The following WASF3 variants were observed in gnomAD, a reference collection of about 807,000 sequenced individuals.
WASF3 encodes the protein actin-binding protein WASF3.
A neutral mutation model predicts 46.6 loss-of-function variants in WASF3; 11 were observed. That is an observed-to-expected ratio of 0.24 (90% confidence interval 0.15 to 0.39). WASF3 has a LOEUF of 0.39. WASF3 is among the 10% of genes least tolerant of loss of function. The probability of loss-of-function intolerance (pLI) is 1.00; values close to 1 mark genes in which losing one functional copy is unlikely to be tolerated. For missense variants in WASF3, 576 were observed against 669.8 expected (o/e 0.86, Z 1.55); for synonymous variants, 242 against 259.7 (o/e 0.93, Z 0.65).
intron 1 of WASF3, among the ~76,000 whole-genome samples, chr13:26,596,224 T>C (rs1277598789): frequency 6.6e-6 from 1 of 152,020 alleles, no homozygotes; most frequent in Non-Finnish European, 1.5e-5. Flanking sequence ...TGCATTCTTC[T>C]AATGCCTAAT....
At chr13:26,595,253 A>G (rs893725317) in intron 1 of WASF3, among the ~76,000 whole-genome samples, 2 of 152,226 alleles carry the variant, frequency 1.3e-5, no homozygotes, top group Non-Finnish European at 2.9e-5. Flanking sequence ...AGTCTGAAGA[A>G]CTTCAGCATC....
chr13:26,647,640 A>G (rs1344433249), intron 3 of WASF3, among the ~76,000 whole-genome samples: 1 of 152,014 alleles, frequency 6.6e-6, no homozygotes, highest in African/African-American at 2.4e-5. Flanking sequence ...AATACCTCAT[A>G]TGTATGGTTT....
At chr13:26,556,189 A>T (rs1879092849), upstream of WASF3, among the ~76,000 whole-genome samples, 2 of 152,230 alleles carry the variant, frequency 1.3e-5, no homozygotes, top group African/African-American at 4.8e-5. Flanking sequence ...CAGTGAGTGC[A>T]AACTAAGTGT....
At chr13:26,644,008 C>A (rs1882077240) in intron 3 of WASF3, among the ~76,000 whole-genome samples, 1 of 152,128 alleles carries the variant, frequency 6.6e-6, no homozygotes, top group African/African-American at 2.4e-5. Flanking sequence ...AGGAGATTAC[C>A]CTGGTTTATC....
At chr13:26,544,846 T>C in the WASF3 span, among the ~76,000 whole-genome samples, 117,112 of 152,250 alleles carry the variant, frequency 0.77, 45,124 homozygotes, top group East Asian at 0.9. Flanking sequence ...CTGTGGACAT[T>C]CCAGAAAGCT....
chr13:26,620,304 AG>A (rs1471488876), intron 2 of WASF3, among the ~76,000 whole-genome samples: 4 of 152,318 alleles, frequency 2.6e-5, no homozygotes, highest in African/African-American at 9.6e-5. Context: ...AAACAGATGT[AG>A]GTTCAAATAT....
At position 26,557,755 on chromosome 13, in the gene WASF3, C is replaced by G. The variant is rs1206635184; in HGVS notation, c.-173C>G. The G allele has an allele frequency of 8.5e-6, 2 of 235,580 alleles. No individual in the cohort carries two copies. The highest frequency in any genetic ancestry group is 8.9e-5 in the East Asian group (1 of 11,264). The allele number at this position is 235,580 out of a possible 1,614,324, so 14.6% of individuals were successfully genotyped here. A position where few individuals can be genotyped will look rare whatever the true frequency, so the allele number is the denominator to read the frequency against. The stretch of plus-strand genomic sequence containing the variant: ...GTGCGAGGCGGGTGCGCCGGGCGGC[C>G]GCGGCGCGGCGGGACCATGGAGCTC... On this transcript the variant is annotated 5_prime_UTR_variant, in exon 1 of 10. Transcript: ENST00000335327.
chr13:26,675,828 G>C (rs1467605069), intron 6 of WASF3, among the ~76,000 whole-genome samples: 1 of 152,070 alleles, frequency 6.6e-6, no homozygotes, highest in Non-Finnish European at 1.5e-5. Context: ...TAAGACAAGA[G>C]GGAAACGTAG....
chr13:26,661,930 C>T (rs1882644002), intron 3 of WASF3, among the ~76,000 whole-genome samples: 1 of 151,950 alleles, frequency 6.6e-6, no homozygotes, highest in Non-Finnish European at 1.5e-5. Context: ...TTTGGTCTGC[C>T]CCTGTGAGTG....
rs544102550 is a variant in WASF3, at chr13:26,662,710, T to C, written c.134-2318T>C. On this transcript the variant is annotated intron_variant, in intron 3 of 9. Transcript: ENST00000335327. ...TCTCTTGGATACTGTGTTCACTACC[T>C]GGGTATGGGATCATTCATTCCCCAA... 2.0e-5 allele frequency among the ~76,000 whole-genome samples: 3 copies of C among 152,368 alleles called. No individual in the cohort carries two copies. The East Asian group carries it at 5.8e-4, about 29-fold the overall frequency.
At chr13:26,669,156 A>G (rs1217623945) in intron 5 of WASF3, among the ~76,000 whole-genome samples, 4 of 147,112 alleles carry the variant, frequency 2.7e-5, no homozygotes, top group African/African-American at 7.5e-5. Context: ...TCACATATAT[A>G]TGTGTGTGTG....
At chr13:26,624,345 T>G (rs1020181430) in intron 2 of WASF3, among the ~76,000 whole-genome samples, 9 of 151,710 alleles carry the variant, frequency 5.9e-5, no homozygotes, top group African/African-American at 2.2e-4. Context: ...GAGAAAATAA[T>G]GAAAGCTAAA....
At chr13:26,554,749 C>T (rs1266270531), upstream of WASF3, among the ~76,000 whole-genome samples, 1 of 152,148 alleles carries the variant, frequency 6.6e-6, no homozygotes, top group Admixed American at 6.5e-5. Flanking sequence ...CATGAAATAA[C>T]ATTCAATTGT....
chr13:26,547,013 T>A, the WASF3 span, among the ~76,000 whole-genome samples: 1 of 152,072 alleles, frequency 6.6e-6, no homozygotes, highest in Non-Finnish European at 1.5e-5. Context: ...CCAGTGAAAC[T>A]GAAGGAGCAC....
chr13:26,589,921 AC>A (rs1880240063), intron 1 of WASF3, among the ~76,000 whole-genome samples: 1 of 144,648 alleles, frequency 6.9e-6, no homozygotes, highest in Non-Finnish European at 1.5e-5. Context: ...TGCTGGACTT[AC>A]GCCAGGGCAG....
chr13:26,577,341 C>G (rs954059131), intron 1 of WASF3: 1 of 761,346 alleles, frequency 1.3e-6, no homozygotes, highest in Admixed American at 1.7e-5. Context: ...ATATGGAAAA[C>G]CTTTTATGCT....
intron 2 of WASF3, among the ~76,000 whole-genome samples, chr13:26,613,731 C>G (rs781398569): frequency 6.6e-6 from 1 of 152,160 alleles, no homozygotes; most frequent in Non-Finnish European, 1.5e-5. Context: ...GATCGTGCCA[C>G]TGCACTCCAG....
At chr13:26,608,503 GTATT>G (rs1421419141) in intron 1 of WASF3, among the ~76,000 whole-genome samples, 1 of 152,080 alleles carries the variant, frequency 6.6e-6, no homozygotes, top group Non-Finnish European at 1.5e-5. Flanking sequence ...TACTTGTTTT[GTATT>G]TATTTATGTT....
intron 2 of WASF3, among the ~76,000 whole-genome samples, chr13:26,633,827 T>C (rs1881732074): frequency 1.3e-5 from 2 of 152,254 alleles, no homozygotes; most frequent in African/African-American, 4.8e-5. Context: ...TCCTGAGTTC[T>C]AATTTGATTG....
Sources: allele counts gnomAD v4.1 joint callset (sites outside exome capture counted in the v4.1 genomes callset), GRCh38; gene constraint gnomAD v4.1.1; transcripts MANE v1.5; gene names NCBI Gene and HGNC (gene_info 2026-07-23, HGNC 2026-07-21).